MROH2A: variants seen among roughly 807,000 people sequenced by gnomAD.
MROH2A encodes maestro heat-like repeat-containing protein family member 2A.
In MROH2A, 174 loss-of-function variants were observed where a neutral mutation model predicts 200.4. The ratio of observed to expected loss-of-function variants is 0.87; its 90% CI spans 0.77 to 0.98. The LOEUF (loss-of-function observed/expected upper bound fraction) is 0.98, where lower values mean the gene tolerates loss of function less well. Among genes scored for constraint, MROH2A ranks in the 50% least tolerant of loss-of-function variants. The probability of loss-of-function intolerance (pLI) is 0.00; values close to 1 mark genes in which losing one functional copy is unlikely to be tolerated. For synonymous variants in MROH2A, 829 were observed against 840.4 expected (o/e 0.99, Z 0.23); for missense variants, 2,045 against 2,139.6 (o/e 0.96, Z 0.87).
At chr2:233,817,968 A>C in intron 27 of MROH2A, 34 bp from the exon 28 acceptor site, 1 of 1,550,242 alleles carries the variant, frequency 6.5e-7, no homozygotes, top group Non-Finnish European at 8.7e-7. Context: ...ATGAGAGCAC[A>C]GAGGTGTGAG....
chr2:233,807,357 C>T lies in MROH2A; in HGVS notation c.2053-66C>T. 4.7e-6 allele frequency: 7 copies of T among 1,475,606 alleles called. No individual in the cohort carries two copies. Among genetic ancestry groups the T allele is most frequent in the Non-Finnish European group, 6.3e-6 (7 of 1,103,646 alleles). The allele number at this position is 1,475,606 out of a possible 1,614,324, so 91.4% of individuals were successfully genotyped here. Reference sequence around the variant, plus strand: ...TGAAAAATACGTAGAAAACTCTCTACAACAGCACCCCCTGAAGGCTGGCTG... The same window carrying T: ...TGAAAAATACGTAGAAAACTCTCTATAACAGCACCCCCTGAAGGCTGGCTG... On this transcript the variant is annotated intron_variant, in intron 19 of 41. Transcript: ENST00000389758. The surrounding 1 kb of genome is among the most constrained non-coding windows in gnomAD (Gnocchi z 4.3).
At chr2:233,777,130 C>T (rs562969003), upstream of MROH2A, among the ~76,000 whole-genome samples, 3 of 152,324 alleles carry the variant, frequency 2.0e-5, no homozygotes, top group East Asian at 3.9e-4. Context: ...CTATAATAAT[C>T]GGTTGTTTTC....
At chr2:233,788,413 C>T (rs1367272623) in intron 3 of MROH2A, among the ~76,000 whole-genome samples, 3 of 151,428 alleles carry the variant, frequency 2.0e-5, no homozygotes, top group Admixed American at 6.6e-5. Context: ...TTACAAATCC[C>T]TATTATTTGC....
chr2:233,816,600 G>C (rs935307517), intron 26 of MROH2A, among the ~76,000 whole-genome samples, 181 bp from the exon 27 acceptor site: 2 of 152,210 alleles, frequency 1.3e-5, no homozygotes, highest in Admixed American at 6.5e-5. Flanking sequence ...TGGTGAGAAT[G>C]CTGGGGATGC....
At position 233,822,303 on chromosome 2, in the gene MROH2A, C is replaced by T. The variant is rs1175018349; in HGVS notation, c.3672+20C>T. On this transcript the variant is annotated intron_variant, in intron 32 of 41. Coordinates refer to ENST00000389758, the MANE Select transcript of MROH2A (RefSeq NM_001394639.1). The stretch of plus-strand genomic sequence containing the variant: ...CTGATGGTGAGTTGCAGGCGCAGGC[C>T]CCAAGGCTCCTCAGGGGTCTCTGGG... The T allele has an allele frequency of 1.9e-6, 3 of 1,548,110 alleles. No homozygotes were observed. Among genetic ancestry groups the T allele is most frequent in the Non-Finnish European group, 2.6e-6 (3 of 1,146,678 alleles).
Position 233,807,942 on chromosome 2 carries a change from G to T in MROH2A, c.2295+87G>T. On this transcript the variant is annotated intron_variant, in intron 21 of 41. Coordinates refer to ENST00000389758, the MANE Select transcript of MROH2A (RefSeq NM_001394639.1). The surrounding 1 kb of genome is among the most constrained non-coding windows in gnomAD (Gnocchi z 4.3). ...GACACAAAGTCCTTTCTAGATCTCAGTAGGAAACTTGCCTCACACGGAGTC... is the reference window on the plus strand; with the variant it reads ...GACACAAAGTCCTTTCTAGATCTCATTAGGAAACTTGCCTCACACGGAGTC... 1 of 1,510,198 alleles carries T rather than the reference G, an allele frequency of 6.6e-7. No homozygotes were observed. The highest frequency in any genetic ancestry group is 2.5e-5 in the East Asian group (1 of 40,542). The allele number at this position is 1,510,198 out of a possible 1,614,324, so 93.5% of individuals were successfully genotyped here.
chr2:233,792,514 C>T lies in MROH2A; in HGVS notation c.572-282C>T, dbSNP rs147948274. Among the ~76,000 whole-genome samples, 273 of 152,148 alleles carry T rather than the reference C, an allele frequency of 1.8e-3. 1 individual carries two copies. Among genetic ancestry groups the T allele is most frequent in the African/African-American group, 5.9e-3 (244 of 41,528 alleles). On this transcript the variant is annotated intron_variant, in intron 5 of 41. Transcript: ENST00000389758. The stretch of plus-strand genomic sequence containing the variant: ...TTTTTAGTAGAGACGGGGTTTCAAC[C>T]GTGTTAGCCAGGATGACCTCGATCT...
At chr2:233,830,005 A>C (rs1431519148) in intron 38 of MROH2A, among the ~76,000 whole-genome samples, 1 of 152,096 alleles carries the variant, frequency 6.6e-6, no homozygotes, top group African/African-American at 2.4e-5. Context: ...AAGCAGTCTC[A>C]GCCCCGTGTC....
chr2:233,800,989 C>T (rs1702437912), intron 14 of MROH2A, among the ~76,000 whole-genome samples: 1 of 152,120 alleles, frequency 6.6e-6, no homozygotes, highest in South Asian at 2.1e-4. Flanking sequence ...TAGCTACAGT[C>T]CATGTGGCAC....
chr2:233,785,262 G>A (rs1354883001), intron 3 of MROH2A, among the ~76,000 whole-genome samples: 1 of 152,102 alleles, frequency 6.6e-6, no homozygotes, highest in East Asian at 1.9e-4. Context: ...CATGCCAGGA[G>A]TGCAAGACCA....
chr2:233,788,897 C>T (rs929193231), intron 3 of MROH2A, among the ~76,000 whole-genome samples: 1 of 143,290 alleles, frequency 7.0e-6, no homozygotes, highest in Non-Finnish European at 1.5e-5. Context: ...CGAAATCGCG[C>T]CACTGCACTC....
chr2:233,791,616 G>C (rs912019460), intron 5 of MROH2A, among the ~76,000 whole-genome samples: 1 of 152,140 alleles, frequency 6.6e-6, no homozygotes, highest in Non-Finnish European at 1.5e-5. Flanking sequence ...ATTGATATCC[G>C]GGAGTGAAAG....
At position 233,828,478 on chromosome 2, in the gene MROH2A, C is replaced by T. The variant is rs1006172630; in HGVS notation, c.4114-152C>T. 10 of 919,952 alleles carry T rather than the reference C, an allele frequency of 1.1e-5. No homozygotes were observed. The highest frequency in any genetic ancestry group is 5.1e-5 in the African/African-American group (3 of 59,190). 57.0% of individuals were successfully genotyped at this position (919,952 alleles called of 1,614,324 possible). ...CCCTGAGGCAGGTACTAGCATCACC[C>T]GCTTTTTATAGAGAGGAAACGGAGG... On this transcript the variant is annotated intron_variant, in intron 35 of 41. Transcript: ENST00000389758. This position sits in a 1 kb window ranked among gnomAD's most constrained non-coding sequence, Gnocchi z 4.6.
chr2:233,809,564 C>G (rs1029876401), intron 22 of MROH2A, among the ~76,000 whole-genome samples: 1 of 152,170 alleles, frequency 6.6e-6, no homozygotes, highest in Non-Finnish European at 1.5e-5. Flanking sequence ...TACCCACTCC[C>G]TCTGCCCTTG....
intron 24 of MROH2A, among the ~76,000 whole-genome samples, chr2:233,813,035 G>T (rs1156935671): frequency 6.6e-6 from 1 of 152,196 alleles, no homozygotes; most frequent in Non-Finnish European, 1.5e-5. Flanking sequence ...CTGGGGCTTG[G>T]ACGTGGTCCC....
chr2:233,805,643 A>G (rs1021107939), intron 19 of MROH2A, among the ~76,000 whole-genome samples: 3 of 152,214 alleles, frequency 2.0e-5, no homozygotes, highest in African/African-American at 7.2e-5. Flanking sequence ...CAAACTTCTC[A>G]ATTTCAACTT....
intron 19 of MROH2A, among the ~76,000 whole-genome samples, chr2:233,806,818 A>G (rs1702820110): frequency 6.6e-6 from 1 of 152,026 alleles, no homozygotes; most frequent in Non-Finnish European, 1.5e-5. Flanking sequence ...TTATTTCCAT[A>G]GGTTTTTGGG....
intron 21 of MROH2A, among the ~76,000 whole-genome samples, chr2:233,808,482 G>T (rs896919943): frequency 6.6e-6 from 1 of 152,214 alleles, no homozygotes; most frequent in African/African-American, 2.4e-5. Flanking sequence ...CATGCCTCAG[G>T]CTTTGCCCTT....
At chr2:233,794,656 G>C (rs1426048526) in intron 8 of MROH2A, 150 bp downstream of exon 8, 1 of 597,656 alleles carries the variant, frequency 1.7e-6, no homozygotes, top group Non-Finnish European at 3.0e-6. Context: ...CGAGGGAGGG[G>C]CGTGGAGCCT....
Sources: gnomAD v4.1 joint callset for allele counts (sites outside exome capture counted in the v4.1 genomes callset) on GRCh38, gnomAD v4.1.1 for gene constraint, Gnocchi (gnomAD v3.1) non-coding constraint, MANE v1.5 for transcripts, NCBI Gene and HGNC (gene_info 2026-07-23, HGNC 2026-07-21) for gene names.